KIF17: variants seen among roughly 807,000 people sequenced by gnomAD.
KIF17 encodes the protein kinesin-like protein KIF17.
In KIF17, 80 loss-of-function variants were observed where a neutral mutation model predicts 96.8. The ratio of observed to expected loss-of-function variants is 0.83; its 90% CI spans 0.69 to 1.00. The LOEUF is 1.00. Among genes scored for constraint, KIF17 ranks in the 50% least tolerant of loss-of-function variants. The pLI is 0.00. For missense variants in KIF17, 1,280 were observed against 1,372.9 expected (o/e 0.93, Z 1.07); for synonymous variants, 567 against 587.5 (o/e 0.97, Z 0.51).
Position 20,706,888 on chromosome 1 carries a change from C to CAAA in KIF17, c.671-1992_671-1990dup, listed in dbSNP as rs113547608. Among the ~76,000 whole-genome samples the CAAA allele has an allele frequency of 7.0e-3, 1,018 of 144,756 alleles. 8 individuals carry two copies. The highest frequency in any genetic ancestry group is 0.023 in the African/African-American group (907 of 38,956). 95.0% of individuals were successfully genotyped at this position (144,756 alleles called of 152,430 possible). On this transcript the variant is annotated intron_variant, in intron 4 of 14. Transcript: ENST00000400463. The stretch of plus-strand genomic sequence containing the variant: ...TGGGCAGCAAAATAAAATCCTGTCT[C>CAAA]AAAAAAAAAAAGAAAGAAAAGTAAA...
At chr1:20,670,619 G>A (rs765990838) in intron 12 of KIF17, 131 bp from the exon 13 acceptor site, 2 of 833,908 alleles carry the variant, frequency 2.4e-6, no homozygotes, top group Non-Finnish European at 4.1e-6. Context: ...CCAAGCCAAG[G>A]GATAATTTTA....
intron 4 of KIF17, among the ~76,000 whole-genome samples, chr1:20,707,884 T>C (rs1178527816): frequency 1.6e-4 from 24 of 146,380 alleles, no homozygotes; most frequent in Admixed American, 1.5e-3. Context: ...TATATATAAA[T>C]AAACATATAA....
intron 3 of KIF17, among the ~76,000 whole-genome samples, chr1:20,711,477 C>G (rs976135037): frequency 1.3e-5 from 2 of 152,186 alleles, no homozygotes; most frequent in Non-Finnish European, 2.9e-5. Context: ...GAGGCCAGAG[C>G]CGGGTCACCA....
chr1:20,701,803 G>A (rs2054241250), intron 5 of KIF17, among the ~76,000 whole-genome samples: 1 of 152,232 alleles, frequency 6.6e-6, no homozygotes, highest in African/African-American at 2.4e-5. Context: ...CGGTGACAAG[G>A]ACAACGTCAA....
downstream of KIF17, among the ~76,000 whole-genome samples, chr1:20,663,305 G>A (rs895341084): frequency 1.3e-5 from 2 of 152,146 alleles, no homozygotes; most frequent in African/African-American, 4.8e-5. Context: ...CCTCTGGCTG[G>A]ATATCTCTGT....
At chr1:20,667,148 G>C (rs1311162027) in intron 13 of KIF17, among the ~76,000 whole-genome samples, 1 of 152,182 alleles carries the variant, frequency 6.6e-6, no homozygotes, top group African/African-American at 2.4e-5. Flanking sequence ...CAGGAAGTGA[G>C]CGGCAGGTGA....
In KIF17 at chr1:20,712,695, A is replaced by AT. The variant is rs1433311359; in HGVS notation, c.480+758_480+759insA. ...AGATAATATTATCTATATATAATAT[A>AT]GATAATATTATCTATATATAAAATT... On this transcript the variant is annotated intron_variant, in intron 3 of 14. Transcript: ENST00000400463. Among the ~76,000 whole-genome samples, 17 of 107,758 alleles carry AT rather than the reference A, an allele frequency of 1.6e-4. 1 individual carries two copies. The highest frequency in any genetic ancestry group is 6.2e-4 in the African/African-American group (15 of 24,144). 70.7% of individuals were successfully genotyped at this position (107,758 alleles called of 152,430 possible). A position where few individuals can be genotyped will look rare whatever the true frequency, so the allele number is the denominator to read the frequency against.
intron 2 of KIF17, 71 bp from the exon 3 acceptor site, chr1:20,713,626 G>A (rs1365511996): frequency 2.6e-6 from 3 of 1,157,398 alleles, no homozygotes; most frequent in Admixed American, 1.9e-5. Context: ...TCTGACCCTG[G>A]GGCCTGGGCC....
chr1:20,712,868 G>GATAATATCTATA (rs375017843), intron 3 of KIF17, among the ~76,000 whole-genome samples: 1 of 32,246 alleles, frequency 3.1e-5, no homozygotes, highest in African/African-American at 1.3e-4. Flanking sequence ...CTATATTATA[G>GATAATATCTATA]ATATTATCTA....
intron 8 of KIF17, chr1:20,686,500 AT>A: frequency 4.8e-6 from 1 of 207,972 alleles, no homozygotes. Context: ...CACACACAAA[AT>A]ACACACACAC....
At position 20,699,682 on chromosome 1, in the gene KIF17, CA is replaced by C; in HGVS notation, c.1124-1195del. Among the ~76,000 whole-genome samples, 1 of 152,194 alleles carries C rather than the reference CA, an allele frequency of 6.6e-6. No homozygotes were observed. The highest frequency in any genetic ancestry group is 1.9e-4 in the East Asian group (1 of 5,172). ...TGCTAGACAGGAGGCGCTTGCTAGACAGGGGGAGCTTGCTAGACAGGGGGAG... is the reference window on the plus strand; with the variant it reads ...TGCTAGACAGGAGGCGCTTGCTAGACGGGGGAGCTTGCTAGACAGGGGGAG... On this transcript the variant is annotated intron_variant, in intron 5 of 14. Transcript: ENST00000400463. The surrounding 1 kb of genome is among the most constrained non-coding windows in gnomAD (Gnocchi z 4.3).
intron 8 of KIF17, 37 bp from the exon 9 acceptor site, chr1:20,686,163 G>T (rs1172381275): frequency 6.6e-7 from 1 of 1,525,644 alleles, no homozygotes; most frequent in Admixed American, 2.0e-5. Flanking sequence ...AAAGAAGGCT[G>T]ATTTGGGCCA....
At chr1:20,671,873 C>A in intron 12 of KIF17, 65 bp downstream of exon 12, 1 of 1,580,964 alleles carries the variant, frequency 6.3e-7, no homozygotes, top group Admixed American at 1.7e-5. Context: ...ACACTCCCTG[C>A]CAGTCTGCAG....
In KIF17 at chr1:20,664,601, C is replaced by T; in HGVS notation, c.3070G>A (p.Gly1024Ser). 6.5e-7 allele frequency: 1 copy of T among 1,528,986 alleles called. No homozygotes were observed. Among genetic ancestry groups the T allele is most frequent in the East Asian group, 2.6e-5 (1 of 37,748 alleles). 94.7% of individuals were successfully genotyped at this position (1,528,986 alleles called of 1,614,324 possible). The change falls in exon 15 of 15, where the codon GGC becomes AGC. Residue 1024 changes from glycine (G) to serine (S), a missense_variant. Physicochemically the swap from Gly to Ser is moderately conservative, Grantham distance 56. Coordinates refer to ENST00000400463, the MANE Select transcript of KIF17 (RefSeq NM_001122819.3). ...AKRKKSKSNF[G>S]SEPL ...AGCTGTGCTCACAGAGGCTCACTGC[C>T]AAAGTTGCTTTTGCTTTTCTTACGC...
chr1:20,698,297 G>T, intron 6 of KIF17, 82 bp downstream of exon 6: 1 of 928,460 alleles, frequency 1.1e-6, no homozygotes, highest in Non-Finnish European at 1.8e-6. Flanking sequence ...ATATCGCGTT[G>T]GACCCCAGCG....
Position 20,690,298 on chromosome 1 carries a change from T to C in KIF17, c.1271A>G (p.Tyr424Cys), listed in dbSNP as rs2054014995. Reference sequence around the variant, plus strand: ...GGCCCGAGACTCCTGCTCGGCCTTATAGTCGGCTTTCAGCCGGGCCAGGCG... The same window carrying C: ...GGCCCGAGACTCCTGCTCGGCCTTACAGTCGGCTTTCAGCCGGGCCAGGCG... ...EERLARLKAD[Y>C]KAEQESRARL... The change falls in exon 7 of 15, where the codon TAT becomes TGT. Residue 424 changes from tyrosine (Y) to cysteine (C), a missense_variant. Transcript: ENST00000400463. The C allele has an allele frequency of 6.9e-7, 1 of 1,451,146 alleles. No homozygotes were observed. The highest frequency in any genetic ancestry group is 9.2e-7 in the Non-Finnish European group (1 of 1,087,282). 89.9% of individuals were successfully genotyped at this position (1,451,146 alleles called of 1,614,324 possible).
At position 20,704,880 on chromosome 1, in the gene KIF17, G is replaced by A; in HGVS notation, c.690C>T (p.His230=). 1.2e-6 allele frequency: 2 copies of A among 1,600,932 alleles called. No individual in the cohort carries two copies. Among genetic ancestry groups the A allele is most frequent in the Non-Finnish European group, 1.7e-6 (2 of 1,179,890 alleles). ...CCAGGTTCAGCTTGCCCGCCCGGAG[G>A]TGGTCCTTGCCCCGCTCATCTGCAC... The part of the protein sequence containing the change: ...MSAVDERGKD[H]LRAGKLNLVD... The change falls in exon 5 of 15, where the codon CAC becomes CAT. Residue 230 remains histidine (H), a synonymous_variant. Coordinates refer to ENST00000400463, the MANE Select transcript of KIF17 (RefSeq NM_001122819.3). This position sits in a 1 kb window ranked among gnomAD's most constrained non-coding sequence, Gnocchi z 6.8.
chr1:20,714,687 C>T (rs1389476262), intron 2 of KIF17, among the ~76,000 whole-genome samples: 3 of 150,606 alleles, frequency 2.0e-5, no homozygotes. Flanking sequence ...ATCCCAGCTA[C>T]TCGGGAAGCT....
rs1056167046 is a variant in KIF17, at chr1:20,684,797, T to C, written c.2231+12A>G. 1.2e-5 allele frequency: 18 copies of C among 1,563,102 alleles called. No individual in the cohort carries two copies. Among genetic ancestry groups the C allele is most frequent in the Non-Finnish European group, 1.6e-5 (18 of 1,154,378 alleles). On this transcript the variant is annotated intron_variant, in intron 10 of 14. Transcript: ENST00000400463. The stretch of plus-strand genomic sequence containing the variant: ...CCGTGGGGTCCCGCCAGCCCCATGC[T>C]CTGCTGCTTACCGGGCCAGCACCTG...
Sources: allele counts gnomAD v4.1 joint callset (sites outside exome capture counted in the v4.1 genomes callset), GRCh38; gene constraint gnomAD v4.1.1; non-coding constraint Gnocchi (gnomAD v3.1); transcripts MANE v1.5; gene names NCBI Gene and HGNC (gene_info 2026-07-23, HGNC 2026-07-21).